CDH8: variants seen among roughly 807,000 people sequenced by gnomAD.
CDH8 encodes cadherin 8, also known as cadherin-8.
Under a neutral mutation model 68.1 loss-of-function variants are expected in CDH8, and 17 were observed. That is an observed-to-expected ratio of 0.25 (90% CI 0.17 to 0.37). CDH8 has a LOEUF of 0.37. Ranked by LOEUF, CDH8 falls within the 10% of genes least tolerant of loss-of-function variation. The probability of loss-of-function intolerance (pLI) is 1.00; values close to 1 mark genes in which losing one functional copy is unlikely to be tolerated. For missense variants in CDH8, 763 were observed against 999.3 expected (o/e 0.76, Z 3.19); for synonymous variants, 372 against 365.1 (o/e 1.02, Z -0.21).
intron 2 of CDH8, among the ~76,000 whole-genome samples, chr16:61,916,343 T>C (rs1423292843): frequency 9.2e-5 from 14 of 151,938 alleles, no homozygotes; most frequent in Non-Finnish European, 1.8e-4. Flanking sequence ...GTGAAACCCC[T>C]GTCTCTACCA....
At chr16:61,888,792 C>T (rs533843188) in intron 3 of CDH8, among the ~76,000 whole-genome samples, 1 of 152,216 alleles carries the variant, frequency 6.6e-6, no homozygotes, top group East Asian at 1.9e-4. Context: ...TCAAGACTTG[C>T]TTCAAAAAGT....
intron 5 of CDH8, among the ~76,000 whole-genome samples, 198 bp downstream of exon 5, chr16:61,824,814 G>C (rs563827719): frequency 6.6e-6 from 1 of 152,020 alleles, no homozygotes; most frequent in Non-Finnish European, 1.5e-5. Flanking sequence ...CTATACGCTT[G>C]ATATTTGGAA....
At chr16:62,032,717 GA>G (rs1320399977) in intron 1 of CDH8, among the ~76,000 whole-genome samples, 2 of 152,156 alleles carry the variant, frequency 1.3e-5, no homozygotes, top group Non-Finnish European at 2.9e-5. Flanking sequence ...GGATGGACCA[GA>G]AAAGTGTGGT....
At chr16:61,696,441 T>C (rs1964328302) in intron 10 of CDH8, among the ~76,000 whole-genome samples, 1 of 152,176 alleles carries the variant, frequency 6.6e-6, no homozygotes, top group Non-Finnish European at 1.5e-5. Flanking sequence ...AGAATGGCTA[T>C]TACTAAAAAG....
At chr16:62,009,319 A>G (rs1055106733) in intron 2 of CDH8, among the ~76,000 whole-genome samples, 1 of 152,166 alleles carries the variant, frequency 6.6e-6, no homozygotes, top group African/African-American at 2.4e-5. Context: ...AATGCAACAG[A>G]GAAGTACATA....
At chr16:61,781,263 T>C (rs1961044999) in intron 8 of CDH8, among the ~76,000 whole-genome samples, 1 of 152,250 alleles carries the variant, frequency 6.6e-6, no homozygotes, top group Non-Finnish European at 1.5e-5. Context: ...TACATTTTGC[T>C]GATAACTCAT....
intron 2 of CDH8, among the ~76,000 whole-genome samples, chr16:61,986,319 AGG>A (rs1428588379): frequency 2.6e-5 from 4 of 152,186 alleles, no homozygotes; most frequent in South Asian, 2.1e-4. Context: ...AGTAGACTCA[AGG>A]GTAGGTTGGA....
chr16:61,667,029 A>G (rs567358102), intron 10 of CDH8: 1 of 152,184 alleles, frequency 6.6e-6, no homozygotes, highest in African/African-American at 2.4e-5. Context: ...TTGTGAAGCC[A>G]GTCTCCTTCA....
chr16:61,884,040 C>A (rs1963626930), intron 3 of CDH8, among the ~76,000 whole-genome samples: 1 of 152,002 alleles, frequency 6.6e-6, no homozygotes. Flanking sequence ...GGGTTAGACA[C>A]CTCTGAAATA....
chr16:61,905,658 G>T (rs1964048785), intron 2 of CDH8, among the ~76,000 whole-genome samples: 1 of 152,064 alleles, frequency 6.6e-6, no homozygotes, highest in South Asian at 2.1e-4. Context: ...TTCATTTCTG[G>T]ATTCAAATGT....
chr16:61,703,394 G>T (rs12926389), intron 10 of CDH8, among the ~76,000 whole-genome samples: 2 of 151,940 alleles, frequency 1.3e-5, no homozygotes, highest in Admixed American at 1.3e-4. Context: ...TTAGATAATT[G>T]TCTCTTACCC....
intron 3 of CDH8, among the ~76,000 whole-genome samples, chr16:61,881,624 A>G (rs953557271): frequency 1.1e-4 from 16 of 152,258 alleles, no homozygotes; most frequent in African/African-American, 3.9e-4. Context: ...TATGACACAT[A>G]GTGAATGCCT....
intron 2 of CDH8, among the ~76,000 whole-genome samples, chr16:61,931,749 G>T (rs1189313465): frequency 1.3e-5 from 2 of 152,080 alleles, no homozygotes; most frequent in African/African-American, 4.8e-5. Flanking sequence ...AGACAAAAAT[G>T]CTACCCACAG....
At chr16:61,787,655 G>A (rs940313989) in intron 8 of CDH8, among the ~76,000 whole-genome samples, 3 of 139,874 alleles carry the variant, frequency 2.1e-5, no homozygotes, top group African/African-American at 5.5e-5. Flanking sequence ...TGTTTATTGC[G>A]GCATTATTCA....
intron 10 of CDH8, among the ~76,000 whole-genome samples, chr16:61,702,386 AAAAAAG>A (rs1207914104): frequency 6.7e-6 from 1 of 149,050 alleles, no homozygotes; most frequent in Admixed American, 6.6e-5. Context: ...AAAGAAAAAA[AAAAAAG>A]AAAAAAGAAA....
intron 10 of CDH8, among the ~76,000 whole-genome samples, chr16:61,708,578 T>C (rs1459010344): frequency 6.6e-6 from 1 of 152,210 alleles, no homozygotes; most frequent in Non-Finnish European, 1.5e-5. Context: ...CTTGTGACAC[T>C]AAGTGTACAG....
rs1050182008 is a variant in CDH8 at position 61,861,856 on chromosome 16, A to G, written c.548-4618T>C. 3.3e-5 allele frequency among the ~76,000 whole-genome samples: 5 copies of G among 152,206 alleles called. No homozygotes were observed. The East Asian group carries it at 5.8e-4, about 18-fold the overall frequency. On this transcript the variant is annotated intron_variant, in intron 3 of 11. Transcript: ENST00000577390. ...ATGGATTACTGTATGCAAAGAGCAC[A>G]GAAGAGTTATTGACACTACGAGCTT...
chr16:61,753,308 C>T (rs1960221898), intron 8 of CDH8, among the ~76,000 whole-genome samples: 4 of 150,648 alleles, frequency 2.7e-5, no homozygotes, highest in African/African-American at 7.4e-5. Context: ...GGTGCAATCT[C>T]GGCTCACTGC....
intron 1 of CDH8, among the ~76,000 whole-genome samples, chr16:62,035,677 GGT>G (rs1902439442): frequency 6.6e-6 from 1 of 152,160 alleles, no homozygotes; most frequent in South Asian, 2.1e-4. Context: ...GCGGGCTGCA[GGT>G]GCTTCCCATT....
Sources: gnomAD v4.1 joint callset for allele counts (sites outside exome capture counted in the v4.1 genomes callset) on GRCh38, gnomAD v4.1.1 for gene constraint, MANE v1.5 for transcripts, NCBI Gene and HGNC (gene_info 2026-07-23, HGNC 2026-07-21) for gene names.